The following MGAT4C variants were observed in gnomAD, a reference collection of about 807,000 sequenced individuals.
MGAT4C encodes the protein alpha-1,3-mannosyl-glycoprotein 4-beta-N-acetylglucosaminyltransferase C.
A neutral mutation model predicts 40.1 loss-of-function variants in MGAT4C; 19 were observed. The ratio of observed to expected loss-of-function variants is 0.47; its 90% confidence interval spans 0.33 to 0.70. The LOEUF (loss-of-function observed/expected upper bound fraction) is 0.70. Ranked by LOEUF, MGAT4C falls within the 30% of genes least tolerant of loss-of-function variation. MGAT4C has a pLI of 0.02. For missense variants in MGAT4C, 491 were observed against 563.2 expected, an observed-to-expected ratio of 0.87 and a Z score of 1.30; for synonymous variants, 181 against 187.1, an observed-to-expected ratio of 0.97 and a Z score of 0.27.
intron 2 of MGAT4C, among the ~76,000 whole-genome samples, chr12:86,580,335 C>T (rs565126881): frequency 6.6e-6 from 1 of 151,578 alleles, no homozygotes; most frequent in Non-Finnish European, 1.5e-5. Context: ...TATTCCCTCT[C>T]TCTAGATTGC....
intron 1 of MGAT4C, among the ~76,000 whole-genome samples, chr12:86,836,933 G>A (rs988129095): frequency 3.3e-5 from 5 of 151,808 alleles, no homozygotes; most frequent in Admixed American, 6.6e-5. Context: ...TGAGATTTTC[G>A]GAAGAGTCAG....
intron 2 of MGAT4C, among the ~76,000 whole-genome samples, chr12:86,519,608 G>T (rs1171462003): frequency 6.6e-6 from 1 of 152,126 alleles, no homozygotes; most frequent in Non-Finnish European, 1.5e-5. Context: ...TAACTGGGGT[G>T]TAATGATATC....
intron 1 of MGAT4C, among the ~76,000 whole-genome samples, chr12:86,796,168 CTCACACTTGAT>C (rs1188446249): frequency 6.7e-6 from 1 of 150,368 alleles, no homozygotes; most frequent in Non-Finnish European, 1.5e-5. Context: ...TGTCTGCTGT[CTCACACTTGAT>C]GTGTCACCAG....
intron 3 of MGAT4C, among the ~76,000 whole-genome samples, chr12:86,414,061 A>G (rs1000791801): frequency 6.6e-6 from 1 of 152,132 alleles, no homozygotes; most frequent in African/African-American, 2.4e-5. Context: ...AAAAATGCTT[A>G]CAGCAAGTTT....
At chr12:86,494,532 A>T (rs1189821080) in intron 2 of MGAT4C, among the ~76,000 whole-genome samples, 2 of 151,848 alleles carry the variant, frequency 1.3e-5, no homozygotes, top group Non-Finnish European at 2.9e-5. Flanking sequence ...TTAGACTATT[A>T]AAGAAATATA....
At chr12:86,300,685 AAT>A (rs745856933) in intron 4 of MGAT4C, among the ~76,000 whole-genome samples, 1 of 152,018 alleles carries the variant, frequency 6.6e-6, no homozygotes, top group Non-Finnish European at 1.5e-5. Context: ...GCTTTTAAAA[AAT>A]ATATATAACC....
chr12:86,712,874 T>C (rs1950582290), intron 2 of MGAT4C, among the ~76,000 whole-genome samples: 1 of 152,072 alleles, frequency 6.6e-6, no homozygotes, highest in Admixed American at 6.6e-5. Context: ...TATCGATTTA[T>C]AACATTAAGC....
At chr12:86,451,934 A>G (rs1957430234) in intron 2 of MGAT4C, among the ~76,000 whole-genome samples, 1 of 152,144 alleles carries the variant, frequency 6.6e-6, no homozygotes, top group Admixed American at 6.6e-5. Context: ...ATTGTTTAAA[A>G]GTCTGAATTT....
intron 2 of MGAT4C, among the ~76,000 whole-genome samples, chr12:86,638,201 T>C (rs898677988): frequency 2.0e-5 from 3 of 151,956 alleles, no homozygotes; most frequent in African/African-American, 7.2e-5. Flanking sequence ...TCTTAGTACA[T>C]GTAGTAGACT....
At chr12:86,121,010 T>C (rs905127529) in intron 1 of MGAT4C, among the ~76,000 whole-genome samples, 7 of 152,126 alleles carry the variant, frequency 4.6e-5, no homozygotes, top group Non-Finnish European at 1.0e-4. Context: ...GTAGATTAGA[T>C]GAATGGCTAA....
chr12:86,020,056 C>T (rs929814934), intron 2 of MGAT4C, among the ~76,000 whole-genome samples: 1 of 152,036 alleles, frequency 6.6e-6, no homozygotes, highest in Non-Finnish European at 1.5e-5. Context: ...CCTGAGACTT[C>T]GCTGAAGTTG....
At chr12:86,263,840 A>AT (rs887987102) in intron 4 of MGAT4C, among the ~76,000 whole-genome samples, 6 of 152,010 alleles carry the variant, frequency 3.9e-5, no homozygotes, top group African/African-American at 1.4e-4. Flanking sequence ...AAAATCTGGT[A>AT]TTTTTTGTCT....
intron 1 of MGAT4C, among the ~76,000 whole-genome samples, chr12:86,732,476 C>T (rs1469088027): frequency 6.6e-6 from 1 of 152,010 alleles, no homozygotes; most frequent in Non-Finnish European, 1.5e-5. Context: ...TTTTTTCCTG[C>T]AAATAGATAG....
chr12:86,173,319 A>G (rs1000334637), intron 1 of MGAT4C, among the ~76,000 whole-genome samples: 1 of 152,150 alleles, frequency 6.6e-6, no homozygotes, highest in Non-Finnish European at 1.5e-5. Flanking sequence ...TGCTAAAACA[A>G]TGACTCTCTT....
intron 3 of MGAT4C, among the ~76,000 whole-genome samples, chr12:86,400,270 A>G (rs1199698030): frequency 1.3e-5 from 2 of 152,226 alleles, no homozygotes; most frequent in Non-Finnish European, 2.9e-5. Context: ...ACACTATTAC[A>G]ATGTGGCATG....
At chr12:86,026,289 T>A (rs748102501) in intron 2 of MGAT4C, among the ~76,000 whole-genome samples, 3 of 151,776 alleles carry the variant, frequency 2.0e-5, no homozygotes, top group Non-Finnish European at 4.4e-5. Context: ...GCTGCTATAG[T>A]TTGGTTTTTT....
rs74988881 is a variant in MGAT4C, at chr12:86,761,037, T to G, written c.-261-33796A>C. ...GTTCAGTTTCACAGGTGTATAAATG[T>G]GCCAAAACATATATTGTACATTTGA... On this transcript the variant is annotated intron_variant, in intron 1 of 7. Transcript: ENST00000548651. Among the ~76,000 whole-genome samples, 534 of 152,318 alleles carry G rather than the reference T, an allele frequency of 3.5e-3. 3 individuals are homozygous for G. Among genetic ancestry groups the G allele is most frequent in the African/African-American group, 0.012 (515 of 41,576 alleles).
At chr12:86,328,187 C>T (rs896844037) in intron 4 of MGAT4C, among the ~76,000 whole-genome samples, 7 of 151,966 alleles carry the variant, frequency 4.6e-5, no homozygotes, top group Admixed American at 1.3e-4. Context: ...CATTAATATA[C>T]CATTAATTAA....
At chr12:86,413,341 C>A (rs1442987777) in intron 3 of MGAT4C, among the ~76,000 whole-genome samples, 1 of 152,070 alleles carries the variant, frequency 6.6e-6, no homozygotes, top group Non-Finnish European at 1.5e-5. Flanking sequence ...GAAGCTTGTT[C>A]AGAGGAAAAT....
Sources: allele counts gnomAD v4.1 joint callset (sites outside exome capture counted in the v4.1 genomes callset), GRCh38; gene constraint gnomAD v4.1.1; transcripts MANE v1.5; gene names NCBI Gene and HGNC (gene_info 2026-07-23, HGNC 2026-07-21).